NKD2: variants seen among roughly 807,000 people sequenced by gnomAD.
The protein encoded by NKD2 is protein naked cuticle homolog 2.
NKD2 carries 43 observed loss-of-function variants against 34.8 expected under a neutral mutation model. The observed-to-expected ratio is 1.24, with a 90% confidence interval of 0.97 to 1.60. The LOEUF is 1.60. NKD2 is among the 40% of genes most tolerant of loss of function. The pLI, the probability that NKD2 is intolerant of heterozygous loss-of-function variation, is 0.00. For synonymous variants in NKD2, 278 were observed against 265.1 expected (o/e 1.05, Z -0.47); for missense variants, 675 against 627.1 (o/e 1.08, Z -0.82).
chr5:1,021,733 C>T (rs1028307611), intron 3 of NKD2, among the ~76,000 whole-genome samples: 4 of 152,022 alleles, frequency 2.6e-5, no homozygotes, highest in African/African-American at 7.2e-5. Context: ...AGTGGGCCCC[C>T]GGCACCTCCT....
rs369715630 is a variant in NKD2 at position 1,025,782 on chromosome 5, T to G, written c.142-6370T>G. ...CCCATTGTCCCTGCTCTTCCCACCC[T>G]CTGTGGGTGCCCCAGCCCATTGTCC... On this transcript the variant is annotated intron_variant, in intron 3 of 9. Transcript: ENST00000296849. Among the ~76,000 whole-genome samples, 86 of 80,322 alleles carry G rather than the reference T, an allele frequency of 1.1e-3. 1 individual carries two copies. The highest frequency in any genetic ancestry group is 3.2e-3 in the Admixed American group (25 of 7,774). The allele number at this position is 80,322 out of a possible 152,430, so 52.7% of individuals were successfully genotyped here. A position where few individuals can be genotyped will look rare whatever the true frequency, so the allele number is the denominator to read the frequency against.
intron 3 of NKD2, among the ~76,000 whole-genome samples, chr5:1,019,177 A>T (rs1375216203): frequency 2.6e-5 from 4 of 152,172 alleles, no homozygotes; most frequent in Non-Finnish European, 5.9e-5. Flanking sequence ...CCCCTGTGCC[A>T]GCTGCTCCTC....
intron 3 of NKD2, among the ~76,000 whole-genome samples, chr5:1,010,930 C>T (rs1467219588): frequency 6.6e-6 from 1 of 152,270 alleles, no homozygotes; most frequent in Non-Finnish European, 1.5e-5. Flanking sequence ...GAGCCAGCGC[C>T]CTCACCATGA....
At chr5:1,033,999 G>T (rs1360336315) in intron 5 of NKD2, 1 of 582,062 alleles carries the variant, frequency 1.7e-6, no homozygotes, top group Non-Finnish European at 3.0e-6. Context: ...GTGTCACTGT[G>T]GGGGAACCGA....
chr5:1,010,805 G>A (rs1755723621), intron 3 of NKD2, among the ~76,000 whole-genome samples: 1 of 152,186 alleles, frequency 6.6e-6, no homozygotes, highest in Non-Finnish European at 1.5e-5. Flanking sequence ...AGCACCTGGG[G>A]TGGGCGGGCG....
rs1733855560 is a variant in NKD2, at chr5:1,035,478, G to A, written c.659+5G>A. ...GAGGTTGTCTGCACACGTCAGGTGA[G>A]GGCTGGGGTGCCAGGGTGGGGCTGT... On this transcript the variant is annotated splice_donor_5th_base_variant and intron_variant, in intron 8 of 9. Coordinates refer to ENST00000296849, the MANE Select transcript of NKD2 (RefSeq NM_033120.4). The A allele has an allele frequency of 6.4e-7, 1 of 1,551,422 alleles. No individual in the cohort carries two copies. The highest frequency in any genetic ancestry group is 8.7e-7 in the Non-Finnish European group (1 of 1,147,058).
intron 3 of NKD2, among the ~76,000 whole-genome samples, chr5:1,011,930 C>A (rs1004489353): frequency 4.6e-5 from 7 of 152,208 alleles, no homozygotes; most frequent in African/African-American, 1.4e-4. Context: ...GGGCTAGGGC[C>A]ATGGGATCAC....
chr5:1,015,492 T>C (rs1269127408), intron 3 of NKD2, among the ~76,000 whole-genome samples: 1 of 152,206 alleles, frequency 6.6e-6, no homozygotes, highest in Non-Finnish European at 1.5e-5. Flanking sequence ...ACTGGGTCCC[T>C]GGAGCTCTGA....
chr5:1,025,830 G>A (rs927825693), intron 3 of NKD2, among the ~76,000 whole-genome samples: 21 of 104,258 alleles, frequency 2.0e-4, no homozygotes, highest in East Asian at 6.4e-4. Context: ...CCCGCTAGTG[G>A]GCATCTCAGC....
intron 9 of NKD2, chr5:1,036,681 G>A: frequency 1.7e-6 from 1 of 575,482 alleles, no homozygotes; most frequent in South Asian, 1.5e-5. Flanking sequence ...GGAAGACATT[G>A]GGTTTGCATT....
At chr5:1,022,210 C>A (rs897092817) in intron 3 of NKD2, among the ~76,000 whole-genome samples, 1 of 151,672 alleles carries the variant, frequency 6.6e-6, no homozygotes, top group Non-Finnish European at 1.5e-5. Context: ...TCTTCCCACC[C>A]GCTGTGGGTG....
intron 3 of NKD2, among the ~76,000 whole-genome samples, chr5:1,021,790 C>G (rs1294623150): frequency 6.6e-6 from 1 of 152,094 alleles, no homozygotes; most frequent in African/African-American, 2.4e-5. Context: ...AGGTTCCCCC[C>G]TCCCATGGTG....
intron 3 of NKD2, among the ~76,000 whole-genome samples, chr5:1,021,418 GC>G (rs1352821670): frequency 6.4e-5 from 8 of 124,080 alleles, no homozygotes; most frequent in Admixed American, 2.6e-4. Context: ...CCCCGACCCA[GC>G]CCCCCCCAGC....
Position 1,034,319 on chromosome 5 carries a change from G to T in NKD2, c.415G>T (p.Val139Phe). 2 of 1,612,336 alleles carry T rather than the reference G, an allele frequency of 1.2e-6. No homozygotes were observed. The highest frequency in any genetic ancestry group is 1.3e-5 in the African/African-American group (1 of 75,038). ...CTATGACTTTGACAACTGCGGGAAG[G>T]TCACCAGGGAGGTAGGTGAGCTTGT... ...TLYDFDNCGK[V>F]TREDMSSLMH... The change falls in exon 6 of 10, where the codon GTC becomes TTC. Residue 139 changes from valine (V) to phenylalanine (F), a missense_variant. Physicochemically the swap from Val to Phe is conservative, Grantham distance 50. Transcript: ENST00000296849.
Position 1,037,948 on chromosome 5 carries a change from G to T in NKD2, c.931G>T (p.Glu311Ter), listed in dbSNP as rs368254492. The T allele has an allele frequency of 6.2e-7, 1 of 1,606,660 alleles. No individual in the cohort carries two copies. The highest frequency in any genetic ancestry group is 1.7e-5 in the Admixed American group (1 of 59,542). ...GGTGGAACACGTCGTGCCAGCCTCG[G>T]AGCCTGCTGCCCGGGCCCTGGACAC... ...VLVEHVVPAS[E>*]PAARALDTQP... Residue 311 changes from glutamate (E) to a stop codon, truncating the protein, a stop_gained, in exon 10 of 10, where the codon GAG (glutamate) becomes TAG (stop). Coordinates refer to ENST00000296849, the MANE Select transcript of NKD2 (RefSeq NM_033120.4). LOFTEE classifies it low-confidence loss of function (END_TRUNC).
In NKD2 at chr5:1,035,456, G is replaced by A; in HGVS notation, c.642G>A (p.Arg214=). Reference sequence around the variant, plus strand: ...AGGAGCCAAGGGTGGCTGACAGGAGGTTGTCTGCACACGTCAGGTGAGGGC... The same window carrying A: ...AGGAGCCAAGGGTGGCTGACAGGAGATTGTCTGCACACGTCAGGTGAGGGC... ...LAEEPRVADR[R]LSAHVRRPST... is the part of the protein sequence containing the mutation. The change falls in exon 8 of 10, where the codon AGG becomes AGA. Residue 214 remains arginine, a synonymous_variant. Transcript: ENST00000296849. 6.4e-7 allele frequency: 1 copy of A among 1,556,198 alleles called. No homozygotes were observed. Among genetic ancestry groups the A allele is most frequent in the Non-Finnish European group, 8.7e-7 (1 of 1,149,848 alleles).
chr5:1,019,940 T>G (rs1312246571), intron 3 of NKD2, among the ~76,000 whole-genome samples: 1 of 152,162 alleles, frequency 6.6e-6, no homozygotes, highest in Non-Finnish European at 1.5e-5. Context: ...GAATTCAGCC[T>G]CCTCTGAGTG....
intron 9 of NKD2, chr5:1,037,388 G>T: frequency 1.2e-6 from 1 of 809,676 alleles, no homozygotes; most frequent in South Asian, 1.7e-5. Context: ...TACAGGGCTC[G>T]CACTGCACGT....
chr5:1,021,495 T>A (rs1756183937), intron 3 of NKD2, among the ~76,000 whole-genome samples: 1 of 150,152 alleles, frequency 6.7e-6, no homozygotes, highest in African/African-American at 2.5e-5. Flanking sequence ...AAGTTCAGAA[T>A]AGCAAGCACA....
Sources: allele counts gnomAD v4.1 joint callset (sites outside exome capture counted in the v4.1 genomes callset), GRCh38; gene constraint gnomAD v4.1.1; transcripts MANE v1.5; gene names NCBI Gene and HGNC (gene_info 2026-07-23, HGNC 2026-07-21).